The following RBMS3 variants were observed in gnomAD, a reference collection of about 807,000 sequenced individuals.
The protein encoded by RBMS3 is RNA binding motif single stranded interacting protein 3, also known as RNA-binding motif, single-stranded-interacting protein 3.
Under a neutral mutation model 66.8 loss-of-function variants are expected in RBMS3, and 27 were observed. The observed-to-expected ratio is 0.40, with a 90% confidence interval of 0.30 to 0.56. The LOEUF (loss-of-function observed/expected upper bound fraction) is 0.56, where lower values mean the gene tolerates loss of function less well. Ranked by LOEUF, RBMS3 falls within the 20% of genes least tolerant of loss-of-function variation. RBMS3 has a pLI of 0.40. For missense variants in RBMS3, 513 were observed against 549.5 expected (o/e 0.93, Z 0.66); for synonymous variants, 188 against 183.0 (o/e 1.03, Z -0.22).
At chr3:29,792,535 C>T (rs994654314) in intron 6 of RBMS3, among the ~76,000 whole-genome samples, 7 of 152,146 alleles carry the variant, frequency 4.6e-5, no homozygotes, top group African/African-American at 1.7e-4. Context: ...GCCAGACTAT[C>T]TAGATCAGAA....
chr3:29,491,496 TTAAA>T (rs373993786), intron 3 of RBMS3, among the ~76,000 whole-genome samples: 20 of 152,216 alleles, frequency 1.3e-4, no homozygotes, highest in African/African-American at 4.8e-4. Flanking sequence ...TACATAGATT[TTAAA>T]TAAATATGAA....
At chr3:29,882,640 C>T (rs1225594226) in intron 7 of RBMS3, among the ~76,000 whole-genome samples, 1 of 152,038 alleles carries the variant, frequency 6.6e-6, no homozygotes, top group African/African-American at 2.4e-5. Context: ...GGAAATACTG[C>T]ATGCAATCTA....
chr3:29,975,924 C>T (rs369904612), intron 12 of RBMS3, among the ~76,000 whole-genome samples: 25 of 152,004 alleles, frequency 1.6e-4, no homozygotes, highest in African/African-American at 5.8e-4. Flanking sequence ...AAAATTTACA[C>T]TTTAAGAGGA....
chr3:29,821,870 G>A (rs1424935609), intron 6 of RBMS3, among the ~76,000 whole-genome samples: 1 of 152,064 alleles, frequency 6.6e-6, no homozygotes, highest in African/African-American at 2.4e-5. Context: ...GATTCTGATG[G>A]AAAGTGTATC....
chr3:29,523,967 C>T (rs2044972346), intron 3 of RBMS3, among the ~76,000 whole-genome samples: 1 of 151,938 alleles, frequency 6.6e-6, no homozygotes, highest in East Asian at 1.9e-4. Flanking sequence ...GAACTCCTGG[C>T]CACAAGCAAT....
intron 14 of RBMS3, among the ~76,000 whole-genome samples, chr3:29,994,733 TAAC>T (rs1559874081): frequency 6.6e-6 from 1 of 152,008 alleles, no homozygotes. Flanking sequence ...GAAGGAAAAC[TAAC>T]AAACAGAAAG....
chr3:29,699,668 A>G (rs1280072005), intron 4 of RBMS3, among the ~76,000 whole-genome samples: 5 of 152,218 alleles, frequency 3.3e-5, no homozygotes, highest in African/African-American at 1.2e-4. Flanking sequence ...ATAATTCTCT[A>G]TAAACATGAT....
At chr3:29,349,344 A>G (rs564201630) in intron 1 of RBMS3, among the ~76,000 whole-genome samples, 6 of 152,252 alleles carry the variant, frequency 3.9e-5, no homozygotes, top group South Asian at 4.1e-4. Context: ...CCTGGCTCCA[A>G]CAAAGTCTGA....
At chr3:29,594,088 A>T (rs1545639) in intron 4 of RBMS3, among the ~76,000 whole-genome samples, 22,593 of 152,130 alleles carry the variant, frequency 0.15, 1,928 homozygotes, top group East Asian at 0.32. Context: ...GTTATGAAAA[A>T]TTTCTATAGT....
intron 1 of RBMS3, among the ~76,000 whole-genome samples, chr3:29,321,929 T>C (rs1418681090): frequency 1.3e-5 from 2 of 151,936 alleles, no homozygotes; most frequent in African/African-American, 2.4e-5. Context: ...GCATGTTTAG[T>C]GTGTTATTTA....
intron 4 of RBMS3, among the ~76,000 whole-genome samples, chr3:29,622,001 T>A (rs2048884053): frequency 6.6e-6 from 1 of 152,158 alleles, no homozygotes; most frequent in African/African-American, 2.4e-5. Context: ...AAAAATAAGA[T>A]TTCGCTTCTG....
intron 2 of RBMS3, among the ~76,000 whole-genome samples, chr3:29,443,570 A>G (rs1004092588): frequency 6.6e-6 from 1 of 152,164 alleles, no homozygotes; most frequent in African/African-American, 2.4e-5. Flanking sequence ...AATGCATTAC[A>G]GACATATGTA....
rs531620040 is a variant in RBMS3, at chr3:29,668,764, A to G, written c.400-70956A>G. On this transcript the variant is annotated intron_variant, in intron 4 of 14. Transcript: ENST00000383767. Reference sequence around the variant, plus strand: ...ATCACAGAATTTAAGAGCTTGCCTGATCCTTGATATCCTTTTGCCTGTGCT... The same window carrying G: ...ATCACAGAATTTAAGAGCTTGCCTGGTCCTTGATATCCTTTTGCCTGTGCT... Among the ~76,000 whole-genome samples the G allele has an allele frequency of 2.6e-5, 4 of 152,352 alleles. No homozygotes were observed. In the South Asian group the frequency reaches 8.3e-4, roughly 32 times the overall value.
chr3:29,827,276 G>A (rs2058234918), intron 6 of RBMS3, among the ~76,000 whole-genome samples: 1 of 152,098 alleles, frequency 6.6e-6, no homozygotes, highest in African/African-American at 2.4e-5. Context: ...CATCAGTTAG[G>A]TTTAGCAGAA....
chr3:29,564,699 C>T (rs1423355721), intron 3 of RBMS3, among the ~76,000 whole-genome samples: 1 of 151,972 alleles, frequency 6.6e-6, no homozygotes, highest in Non-Finnish European at 1.5e-5. Flanking sequence ...CTACCTCAAA[C>T]CAGAAGGTTT....
chr3:29,382,373 A>C (rs1397431852), intron 1 of RBMS3, among the ~76,000 whole-genome samples: 2 of 152,180 alleles, frequency 1.3e-5, no homozygotes, highest in African/African-American at 4.8e-5. Context: ...CATATGTAAT[A>C]ATGTATATGT....
intron 6 of RBMS3, among the ~76,000 whole-genome samples, chr3:29,776,111 A>C (rs1249915768): frequency 6.6e-6 from 1 of 152,038 alleles, no homozygotes; most frequent in Admixed American, 6.6e-5. Flanking sequence ...CATCCCAAAG[A>C]CAAGCATTTT....
intron 1 of RBMS3, among the ~76,000 whole-genome samples, chr3:29,304,201 A>G (rs954396438): frequency 2.0e-5 from 3 of 152,024 alleles, no homozygotes; most frequent in Non-Finnish European, 4.4e-5. Flanking sequence ...GATTCTAATC[A>G]TGTGCTGTCA....
intron 6 of RBMS3, among the ~76,000 whole-genome samples, chr3:29,775,534 G>T (rs982074793): frequency 6.8e-4 from 104 of 151,990 alleles, no homozygotes; most frequent in Non-Finnish European, 1.5e-3. Flanking sequence ...TTTAGGGAGA[G>T]TTTAAGACTA....
Sources: gnomAD v4.1 joint callset for allele counts (sites outside exome capture counted in the v4.1 genomes callset) on GRCh38, gnomAD v4.1.1 for gene constraint, MANE v1.5 for transcripts, NCBI Gene and HGNC (gene_info 2026-07-23, HGNC 2026-07-21) for gene names.